Variants in CDK7 observed in about 807,000 individuals in gnomAD.
CDK7 encodes cyclin dependent kinase 7.
A neutral mutation model predicts 49.1 loss-of-function variants in CDK7; 25 were observed. The ratio of observed to expected loss-of-function variants is 0.51; its 90% confidence interval spans 0.37 to 0.71. The LOEUF is 0.71. Ranked by LOEUF, CDK7 falls within the 30% of genes least tolerant of loss-of-function variation. The probability of loss-of-function intolerance (pLI) is 0.00; values close to 1 mark genes in which losing one functional copy is unlikely to be tolerated. For missense variants in CDK7, 316 were observed against 411.7 expected (o/e 0.77, Z 2.01); for synonymous variants, 107 against 140.0 (o/e 0.76, Z 1.67).
chr5:69,242,068 A>G (rs1749430302), intron 2 of CDK7, among the ~76,000 whole-genome samples: 1 of 152,046 alleles, frequency 6.6e-6, no homozygotes, highest in Admixed American at 6.6e-5. Flanking sequence ...ATCCATTTTG[A>G]TTTGATTTTT....
intron 7 of CDK7, among the ~76,000 whole-genome samples, chr5:69,261,526 A>ATGTGTGTGTGTATG (rs35466335): frequency 8.5e-6 from 1 of 118,044 alleles, no homozygotes; most frequent in East Asian, 2.4e-4. Context: ...GTGTGTGTGT[A>ATGTGTGTGTGTATG]TGTGTGTGTG....
chr5:69,243,608 C>T (rs181239553), intron 2 of CDK7, among the ~76,000 whole-genome samples: 2 of 152,054 alleles, frequency 1.3e-5, no homozygotes, highest in East Asian at 3.9e-4. Context: ...ATAGCTTTGG[C>T]TATTCTGGGT....
intron 2 of CDK7, among the ~76,000 whole-genome samples, chr5:69,241,538 C>A (rs928188587): frequency 6.6e-6 from 1 of 151,822 alleles, no homozygotes; most frequent in Non-Finnish European, 1.5e-5. Flanking sequence ...GTTGGCCAGG[C>A]TGGTCTCGAA....
intron 9 of CDK7, among the ~76,000 whole-genome samples, chr5:69,271,529 T>TC (rs1751544839): frequency 8.5e-6 from 1 of 117,372 alleles, no homozygotes; most frequent in South Asian, 2.9e-4. Flanking sequence ...TTTTTTTTTT[T>TC]CAAGACAAGA....
chr5:69,277,191 T>C lies in CDK7; in HGVS notation c.*56T>C. The C allele has an allele frequency of 7.6e-7, 1 of 1,321,744 alleles. No homozygotes were observed. Among genetic ancestry groups the C allele is most frequent in the South Asian group, 1.4e-5 (1 of 71,564 alleles). The allele number at this position is 1,321,744 out of a possible 1,614,324, so 81.9% of individuals were successfully genotyped here. A position where few individuals can be genotyped will look rare whatever the true frequency, so the allele number is the denominator to read the frequency against. On this transcript the variant is annotated 3_prime_UTR_variant, in exon 12 of 12. Transcript: ENST00000256443. Reference sequence around the variant, plus strand: ...GGGAAATAGCCAAAAAGGCAAATAATGGAAAAATAGTAAACATTAAGTAAA... The same window carrying C: ...GGGAAATAGCCAAAAAGGCAAATAACGGAAAAATAGTAAACATTAAGTAAA...
In CDK7 at chr5:69,234,973, C is replaced by T. The variant is rs1413418058; in HGVS notation, c.-3C>T. 2 of 1,593,236 alleles carry T rather than the reference C, an allele frequency of 1.3e-6. No homozygotes were observed. Among genetic ancestry groups the T allele is most frequent in the Non-Finnish European group, 8.5e-7 (1 of 1,170,278 alleles). On this transcript the variant is annotated 5_prime_UTR_variant, in exon 1 of 12. Coordinates refer to ENST00000256443, the MANE Select transcript of CDK7 (RefSeq NM_001799.4). ...CGGCTGGAGTCGGGCTTTACGGCGC[C>T]GGATGGCTCTGGACGTGAAGTCTCG...
chr5:69,238,866 A>G (rs547778031), intron 2 of CDK7, among the ~76,000 whole-genome samples: 11 of 151,820 alleles, frequency 7.2e-5, no homozygotes, highest in African/African-American at 2.7e-4. Flanking sequence ...CCAGCCTGCA[A>G]CTTGTTATTC....
chr5:69,236,714 C>T (rs139910473), intron 2 of CDK7, among the ~76,000 whole-genome samples: 2,472 of 151,518 alleles, frequency 0.016, 26 homozygotes, highest in Non-Finnish European at 0.025. Context: ...TGCAATTGTG[C>T]GATTTCGGCT....
intron 8 of CDK7, among the ~76,000 whole-genome samples, chr5:69,267,803 A>G (rs1751260192): frequency 6.6e-6 from 1 of 152,174 alleles, no homozygotes; most frequent in Admixed American, 6.6e-5. Flanking sequence ...AAGCACACCA[A>G]TTCTTAAAAT....
At chr5:69,268,725 C>A (rs1751325609) in intron 8 of CDK7, among the ~76,000 whole-genome samples, 1 of 151,290 alleles carries the variant, frequency 6.6e-6, no homozygotes, top group South Asian at 2.1e-4. Context: ...TGGTGGCGGG[C>A]GCCTGTAGTC....
chr5:69,275,903 G>T (rs975195790), intron 10 of CDK7, among the ~76,000 whole-genome samples: 12 of 152,098 alleles, frequency 7.9e-5, no homozygotes, highest in South Asian at 2.1e-4. Flanking sequence ...CATCCCCAAG[G>T]TACGTCATGT....
chr5:69,275,643 CA>C (rs759419806), intron 10 of CDK7, among the ~76,000 whole-genome samples: 5 of 152,022 alleles, frequency 3.3e-5, no homozygotes, highest in Non-Finnish European at 7.4e-5. Context: ...GTTTTATGTA[CA>C]AAATTAAAAA....
rs1301581244 is a variant in CDK7, at chr5:69,276,550, A to T, written c.872A>T (p.Lys291Ile). 2 of 1,612,740 alleles carry T rather than the reference A, an allele frequency of 1.2e-6. No homozygotes were observed. Among genetic ancestry groups the T allele is most frequent in the South Asian group, 2.2e-5 (2 of 90,998 alleles). Reference protein sequence around the residue: ...CARITATQALKMKYFSNRPGP... With the variant: ...CARITATQALIMKYFSNRPGP... ...TATCTTTTCTTTTAAAAGGCACTGA[A>T]AATGAAGTATTTCAGTAATCGGCCA... The change falls in exon 11 of 12, where the codon AAA becomes ATA. Residue 291 changes from lysine (K) to isoleucine (I), a missense_variant. Transcript: ENST00000256443.
chr5:69,259,960 G>T, intron 7 of CDK7, 24 bp downstream of exon 7: 1 of 1,390,006 alleles, frequency 7.2e-7, no homozygotes, highest in South Asian at 1.2e-5. Flanking sequence ...AAAGCTACAT[G>T]TGCAGGAGTT....
chr5:69,257,990 G>C, intron 5 of CDK7, 53 bp from the exon 6 acceptor site: 1 of 844,318 alleles, frequency 1.2e-6, no homozygotes, highest in Non-Finnish European at 2.0e-6. Flanking sequence ...TTATGTGGTA[G>C]AGTTTATTTG....
intron 6 of CDK7, among the ~76,000 whole-genome samples, 157 bp downstream of exon 6, chr5:69,258,310 C>T (rs1221131379): frequency 1.3e-5 from 2 of 151,576 alleles, no homozygotes; most frequent in African/African-American, 4.9e-5. Context: ...CTTGTTCCAG[C>T]AGTTGGTGCT....
intron 8 of CDK7, among the ~76,000 whole-genome samples, chr5:69,266,219 G>A (rs186800523): frequency 4.0e-4 from 61 of 152,296 alleles, no homozygotes; most frequent in African/African-American, 1.3e-3. Flanking sequence ...GAGCTGAGCT[G>A]GTGCAGAGAC....
chr5:69,242,942 G>A (rs1749487211), intron 2 of CDK7, among the ~76,000 whole-genome samples: 1 of 152,174 alleles, frequency 6.6e-6, no homozygotes, highest in Non-Finnish European at 1.5e-5. Context: ...CTACTCTGCA[G>A]GCTGAGGCAG....
chr5:69,240,374 A>G (rs1037556215), intron 2 of CDK7, among the ~76,000 whole-genome samples: 1 of 152,176 alleles, frequency 6.6e-6, no homozygotes, highest in South Asian at 2.1e-4. Flanking sequence ...TAATTTTGTT[A>G]GGTGTCAAAA....
Sources: allele counts gnomAD v4.1 joint callset (sites outside exome capture counted in the v4.1 genomes callset), GRCh38; gene constraint gnomAD v4.1.1; transcripts MANE v1.5; gene names NCBI Gene and HGNC (gene_info 2026-07-23, HGNC 2026-07-21).